FAM111B: variants seen among roughly 807,000 people sequenced by gnomAD.
The protein encoded by FAM111B is FAM111 trypsin like peptidase B, also known as serine protease FAM111B.
FAM111B carries 1 observed loss-of-function variant against 2.8 expected under a neutral mutation model. The observed-to-expected ratio is 0.36, with a 90% CI of 0.13 to 1.70. The LOEUF is 1.70. Among genes scored for constraint, FAM111B ranks in the 40% most tolerant of loss-of-function variants. The probability of loss-of-function intolerance (pLI) is 0.35; values close to 1 mark genes in which losing one functional copy is unlikely to be tolerated. For synonymous variants in FAM111B, 297 were observed against 295.6 expected (o/e 1.00, Z -0.05); for missense variants, 882 against 878.9 (o/e 1.00, Z -0.04).
At chr11:59,111,667 A>G (rs1385089382) in intron 3 of FAM111B, among the ~76,000 whole-genome samples, 2 of 152,204 alleles carry the variant, frequency 1.3e-5, no homozygotes, top group Middle Eastern at 3.2e-3. Flanking sequence ...CTTAAGAACC[A>G]CATGTGGCTG....
intron 3 of FAM111B, among the ~76,000 whole-genome samples, chr11:59,116,672 T>C (rs780019034): frequency 2.6e-5 from 4 of 152,200 alleles, no homozygotes; most frequent in Non-Finnish European, 5.9e-5. Context: ...TCAGCTGTCC[T>C]TTGCCTTAAG....
At chr11:59,119,947 G>A (rs561187656) in intron 3 of FAM111B, among the ~76,000 whole-genome samples, 28 of 152,240 alleles carry the variant, frequency 1.8e-4, no homozygotes, top group Non-Finnish European at 3.7e-4. Context: ...AATATTTATA[G>A]ATAAAATATT....
chr11:59,126,537 T>TA lies in FAM111B; in HGVS notation c.*238dup, dbSNP rs1265637377. ...TAATATTCAGAATCCATTAGGAACT[T>TA]AAACAGATTAACAAGCAAAAAAAAC... On this transcript the variant is annotated 3_prime_UTR_variant, in exon 4 of 4. Coordinates refer to ENST00000343597, the MANE Select transcript of FAM111B (RefSeq NM_198947.4). 3 of 353,680 alleles carry TA rather than the reference T, an allele frequency of 8.5e-6. No individual in the cohort carries two copies. The highest frequency in any genetic ancestry group is 2.1e-5 in the African/African-American group (1 of 47,406). The allele number at this position is 353,680 out of a possible 1,614,324, so 21.9% of individuals were successfully genotyped here.
rs753918637 is a variant in FAM111B, at chr11:59,126,237, G to A, written c.2140G>A (p.Asp714Asn). The A allele has an allele frequency of 5.0e-5, 80 of 1,597,506 alleles. No homozygotes were observed. In the East Asian group the frequency reaches 1.2e-3, roughly 25 times the overall value. The change falls in exon 4 of 4, where the codon GAT becomes AAT. Residue 714 changes from aspartate (D) to asparagine (N), a missense_variant. By Grantham distance (23) the Asp-to-Asn change is conservative. Coordinates refer to ENST00000343597, the MANE Select transcript of FAM111B (RefSeq NM_198947.4). ...AAATGATGAGAAACTTGAGACCTAC[G>A]ATGAAGAGAAAGGTAAACAAGAGTC... ...SLNDEKLETY[D>N]EEKGKQESSL...
intron 3 of FAM111B, among the ~76,000 whole-genome samples, chr11:59,120,594 G>C (rs755047208): frequency 6.6e-6 from 1 of 152,162 alleles, no homozygotes. Flanking sequence ...TGACCTGTTA[G>C]GGCTGTGAGG....
intron 3 of FAM111B, among the ~76,000 whole-genome samples, chr11:59,120,850 T>C (rs4411292): frequency 0.96 from 145,524 of 152,294 alleles, 69,595 homozygotes; most frequent in East Asian, 1. Flanking sequence ...AGGACTGTAA[T>C]GTGAATTTTG....
chr11:59,120,124 C>T (rs1859898753), intron 3 of FAM111B, among the ~76,000 whole-genome samples: 1 of 151,862 alleles, frequency 6.6e-6, no homozygotes, highest in Non-Finnish European at 1.5e-5. Flanking sequence ...ATTTGTTAAC[C>T]ATTTATGGAG....
intron 3 of FAM111B, among the ~76,000 whole-genome samples, chr11:59,111,137 A>C (rs1859752115): frequency 6.6e-6 from 1 of 152,146 alleles, no homozygotes. Flanking sequence ...AGCTGCAGTA[A>C]TATCAGATGC....
In FAM111B at chr11:59,126,402, A is replaced by C. The variant is rs1396935924; in HGVS notation, c.*100A>C. ...ATTGCAACAAAAGTGAAAATTGGCA[A>C]ATGAGACCTAATTAAATCTTCTGCA... On this transcript the variant is annotated 3_prime_UTR_variant, in exon 4 of 4. Coordinates refer to ENST00000343597, the MANE Select transcript of FAM111B (RefSeq NM_198947.4). The C allele has an allele frequency of 1.1e-6, 1 of 908,372 alleles. No homozygotes were observed. Among genetic ancestry groups the C allele is most frequent in the Non-Finnish European group, 1.6e-6 (1 of 620,338 alleles). The allele number at this position is 908,372 out of a possible 1,614,324, so 56.3% of individuals were successfully genotyped here. A position where few individuals can be genotyped will look rare whatever the true frequency, so the allele number is the denominator to read the frequency against.
rs754224751 is a variant in FAM111B at position 59,124,950 on chromosome 11, CAG to C, written c.855_856del (p.Asn286Ter). The C allele has an allele frequency of 1.7e-5, 28 of 1,603,860 alleles. No individual in the cohort carries two copies. The African/African-American group carries it at 2.3e-4, about 13-fold the overall frequency. On this transcript the variant is annotated frameshift_variant, in exon 4 of 4. Transcript: ENST00000343597. LOFTEE classifies it low-confidence loss of function (END_TRUNC). ...QQKDIHKKIK[Q>X]NESATDEINH... is the part of the protein sequence containing the mutation. ...GAAAGATATCCATAAAAAAATTAAACAGAATGAAAGTGCCACTGATGAAATTA... is the reference window on the plus strand; with the variant it reads ...GAAAGATATCCATAAAAAAATTAAACAATGAAAGTGCCACTGATGAAATTA...
chr11:59,108,240 C>A (rs1859696783), intron 1 of FAM111B, among the ~76,000 whole-genome samples: 1 of 152,120 alleles, frequency 6.6e-6, no homozygotes, highest in Non-Finnish European at 1.5e-5. Flanking sequence ...AATGGGGATC[C>A]CTAAAAGGGT....
rs995925024 is a variant in FAM111B, at chr11:59,125,660, G to A, written c.1563G>A (p.Glu521=). 2 of 1,613,920 alleles carry A rather than the reference G, an allele frequency of 1.2e-6. No individual in the cohort carries two copies. Among genetic ancestry groups the A allele is most frequent in the Admixed American group, 1.7e-5 (1 of 59,998 alleles). The change falls in exon 4 of 4, where the codon GAG becomes GAA. Residue 521 remains glutamate (E), a synonymous_variant. Coordinates refer to ENST00000343597, the MANE Select transcript of FAM111B (RefSeq NM_198947.4). The part of the protein sequence containing the change: ...KCAKVTFTYT[E]FCPTPDNWFS... ...CGAAGGTAACCTTCACTTATACAGA[G>A]TTCTGCCCTACTCCTGACAATTGGT...
intron 2 of FAM111B, among the ~76,000 whole-genome samples, chr11:59,109,096 G>A (rs1157177363): frequency 6.6e-6 from 1 of 152,144 alleles, no homozygotes; most frequent in East Asian, 1.9e-4. Flanking sequence ...GGATTTTTGG[G>A]AATTGAAATT....
In FAM111B at chr11:59,113,057, A is replaced by G. The variant is rs138160965; in HGVS notation, c.81+3351A>G. On this transcript the variant is annotated intron_variant, in intron 3 of 3. Coordinates refer to ENST00000343597, the MANE Select transcript of FAM111B (RefSeq NM_198947.4). ...TGGATCATGCTTTTGCTTTTACATC[A>G]GAGAACTGTCCTAAATCTAAGATCA... Among the ~76,000 whole-genome samples, 735 of 152,316 alleles carry G rather than the reference A, an allele frequency of 4.8e-3. 9 individuals are homozygous for G. Among genetic ancestry groups the G allele is most frequent in the Middle Eastern group, 0.02 (6 of 294 alleles).
chr11:59,122,862 A>G (rs1401756050), intron 3 of FAM111B, among the ~76,000 whole-genome samples: 1 of 152,158 alleles, frequency 6.6e-6, no homozygotes, highest in Non-Finnish European at 1.5e-5. Context: ...CATTGCACCT[A>G]CCTACTAAAT....
chr11:59,126,363 A>T lies in FAM111B; in HGVS notation c.*61A>T, dbSNP rs941034732. 7.3e-7 allele frequency: 1 copy of T among 1,368,546 alleles called. No homozygotes were observed. Among genetic ancestry groups the T allele is most frequent in the Non-Finnish European group, 9.8e-7 (1 of 1,018,036 alleles). The allele number at this position is 1,368,546 out of a possible 1,614,324, so 84.8% of individuals were successfully genotyped here. ...ATTCCTGGCAAAGATTTCATGACAAAGACACTTAAAGCAATTGCAACAAAA... is the reference window on the plus strand; with the variant it reads ...ATTCCTGGCAAAGATTTCATGACAATGACACTTAAAGCAATTGCAACAAAA... On this transcript the variant is annotated 3_prime_UTR_variant, in exon 4 of 4. Coordinates refer to ENST00000343597, the MANE Select transcript of FAM111B (RefSeq NM_198947.4).
chr11:59,125,445 A>T lies in FAM111B; in HGVS notation c.1348A>T (p.Thr450Ser). The change falls in exon 4 of 4, where the codon ACC becomes TCC. Residue 450 changes from threonine (T) to serine (S), a missense_variant. By Grantham distance (58) the Thr-to-Ser change is moderately conservative. Transcript: ENST00000343597. ...KMTANSVSVA[T>S]CEQLTYYSKS... The stretch of plus-strand genomic sequence containing the variant: ...GACTGCAAATTCTGTTTCAGTTGCA[A>T]CCTGCGAACAGCTTACATATTATAG... 6.2e-7 allele frequency: 1 copy of T among 1,613,998 alleles called. No homozygotes were observed. Among genetic ancestry groups the T allele is most frequent in the Non-Finnish European group, 8.5e-7 (1 of 1,179,860 alleles).
Position 59,120,395 on chromosome 11 carries a change from A to G in FAM111B, c.82-3784A>G, listed in dbSNP as rs532235772. Among the ~76,000 whole-genome samples, 4 of 152,354 alleles carry G rather than the reference A, an allele frequency of 2.6e-5. No individual in the cohort carries two copies. The East Asian group carries it at 5.8e-4, about 22-fold the overall frequency. On this transcript the variant is annotated intron_variant, in intron 3 of 3. Transcript: ENST00000343597. Reference sequence around the variant, plus strand: ...CCTAATCTCCAAGGTGATGGCATTAAGAGATGGGGCTTTGATGGGTGATTA... The same window carrying G: ...CCTAATCTCCAAGGTGATGGCATTAGGAGATGGGGCTTTGATGGGTGATTA...
chr11:59,115,587 C>A (rs943748802), intron 3 of FAM111B, among the ~76,000 whole-genome samples: 1 of 152,186 alleles, frequency 6.6e-6, no homozygotes, highest in Non-Finnish European at 1.5e-5. Context: ...GATGGCTCCC[C>A]AAGGAGAGGT....
Sources: gnomAD v4.1 joint callset for allele counts (sites outside exome capture counted in the v4.1 genomes callset) on GRCh38, gnomAD v4.1.1 for gene constraint, MANE v1.5 for transcripts, NCBI Gene and HGNC (gene_info 2026-07-23, HGNC 2026-07-21) for gene names.